FREM3: variants seen among roughly 807,000 people sequenced by gnomAD.
FREM3 encodes the protein FRAS1-related extracellular matrix protein 3.
In FREM3, 105 loss-of-function variants were observed where a neutral mutation model predicts 129.1. That is an observed-to-expected ratio of 0.81 (90% CI 0.69 to 0.96). The LOEUF (loss-of-function observed/expected upper bound fraction) is 0.96, where lower values mean the gene tolerates loss of function less well. Among genes scored for constraint, FREM3 ranks in the 40% least tolerant of loss-of-function variants. FREM3 has a pLI of 0.00. For missense variants in FREM3, 2,593 were observed against 2,666.3 expected (o/e 0.97, Z 0.61); for synonymous variants, 1,014 against 1,044.9 (o/e 0.97, Z 0.57).
In FREM3 at chr4:143,627,723, G is replaced by A. The variant is rs377599525; in HGVS notation, c.5313C>T (p.Asn1771=). 2 of 1,535,512 alleles carry A rather than the reference G, an allele frequency of 1.3e-6. No individual in the cohort carries two copies. The highest frequency in any genetic ancestry group is 1.2e-5 in the South Asian group (1 of 83,954). Residue 1771 remains asparagine, a synonymous_variant, in exon 3 of 8, where the codon AAC becomes AAT. Coordinates refer to ENST00000329798, the MANE Select transcript of FREM3 (RefSeq NM_001168235.2). ...NKLTNQPFHL[N]WAWICLEKEY... ...CTTTCTCCAAACAAATCCAAGCCCA[G>A]TTTAGATGGAAAGGCTGATTTGTTA... is the stretch of plus-strand genomic sequence containing the variant.
At chr4:143,695,435 A>C in intron 1 of FREM3, 56 bp downstream of exon 1, 9 of 1,383,412 alleles carry the variant, frequency 6.5e-6, no homozygotes, top group Non-Finnish European at 8.7e-6. Context: ...CAAAGCTGAG[A>C]GATCTGATCC....
intron 4 of FREM3, 61 bp from the exon 5 acceptor site, chr4:143,621,223 A>C (rs1560847589): frequency 1.4e-6 from 2 of 1,449,072 alleles, no homozygotes; most frequent in Non-Finnish European, 1.9e-6. Context: ...ATATTTAAAC[A>C]CACCTGAGCA....
intron 2 of FREM3, among the ~76,000 whole-genome samples, chr4:143,639,332 G>A (rs1007048659): frequency 6.6e-6 from 1 of 152,124 alleles, no homozygotes; most frequent in Non-Finnish European, 1.5e-5. Flanking sequence ...AGCATGTCGT[G>A]GGAACAGAAC....
intron 2 of FREM3, among the ~76,000 whole-genome samples, chr4:143,660,399 T>C (rs1412227882): frequency 6.6e-6 from 1 of 152,168 alleles, no homozygotes; most frequent in Non-Finnish European, 1.5e-5. Context: ...GTTGTAGATA[T>C]GCGGTGTTAT....
chr4:143,644,286 T>C (rs1464999585), intron 2 of FREM3, among the ~76,000 whole-genome samples: 2 of 151,956 alleles, frequency 1.3e-5, no homozygotes, highest in Non-Finnish European at 2.9e-5. Context: ...ATCTGCATCA[T>C]CTTCCTATTT....
chr4:143,628,496 T>A (rs1739084674), intron 2 of FREM3, among the ~76,000 whole-genome samples: 1 of 152,116 alleles, frequency 6.6e-6, no homozygotes, highest in Non-Finnish European at 1.5e-5. Context: ...GATGTTGAAG[T>A]AGAAGTCTTT....
chr4:143,642,483 G>A (rs1048650944), intron 2 of FREM3, among the ~76,000 whole-genome samples: 3 of 152,052 alleles, frequency 2.0e-5, no homozygotes, highest in African/African-American at 7.2e-5. Context: ...AAATAAATTC[G>A]TGCACCTGCA....
chr4:143,631,398 C>T (rs965585886), intron 2 of FREM3, among the ~76,000 whole-genome samples: 6 of 152,010 alleles, frequency 3.9e-5, no homozygotes, highest in Non-Finnish European at 5.9e-5. Context: ...GGCTGGAGTG[C>T]GGTAGCACCG....
At chr4:143,662,195 G>A (rs1431958233) in intron 2 of FREM3, among the ~76,000 whole-genome samples, 1 of 152,004 alleles carries the variant, frequency 6.6e-6, no homozygotes, top group Non-Finnish European at 1.5e-5. Context: ...TGTCAGTTTT[G>A]GATCTTTCCT....
Position 143,696,239 on chromosome 4 carries a change from A to T in FREM3, c.4437T>A (p.Ala1479=), listed in dbSNP as rs1206608529. ...SLGHLESSDY[A]GEPIASFTQL... ...GAGTGAAAGAGGCAATGGGTTCCCC[A>T]GCATAGTCAGAACTTTCTAAGTGAC... is the stretch of plus-strand genomic sequence containing the variant. Residue 1479 remains alanine (A), a synonymous_variant, in exon 1 of 8, where the codon GCT becomes GCA. Coordinates refer to ENST00000329798, the MANE Select transcript of FREM3 (RefSeq NM_001168235.2). The T allele has an allele frequency of 6.5e-7, 1 of 1,537,882 alleles. No homozygotes were observed. Among genetic ancestry groups the T allele is most frequent in the Non-Finnish European group, 8.7e-7 (1 of 1,147,062 alleles).
At chr4:143,604,082 G>A (rs1343084543) in intron 6 of FREM3, among the ~76,000 whole-genome samples, 4 of 152,026 alleles carry the variant, frequency 2.6e-5, no homozygotes, top group Non-Finnish European at 4.4e-5. Context: ...TGCTGTATGA[G>A]TACCCACATG....
At chr4:143,580,235 A>C (rs1738107423) in intron 7 of FREM3, among the ~76,000 whole-genome samples, 1 of 152,206 alleles carries the variant, frequency 6.6e-6, no homozygotes, top group Non-Finnish European at 1.5e-5. Flanking sequence ...GGACAGGTTG[A>C]GATTCATCAA....
chr4:143,655,791 G>A (rs1739589702), intron 2 of FREM3, among the ~76,000 whole-genome samples: 1 of 152,172 alleles, frequency 6.6e-6, no homozygotes, highest in Non-Finnish European at 1.5e-5. Flanking sequence ...CAAGGACCAG[G>A]GGCCCAGGGC....
chr4:143,631,061 C>T (rs1235764023), intron 2 of FREM3, among the ~76,000 whole-genome samples: 3 of 152,104 alleles, frequency 2.0e-5, no homozygotes, highest in Non-Finnish European at 4.4e-5. Context: ...TTTTCTCTTT[C>T]CCTTCTCTAT....
intron 2 of FREM3, among the ~76,000 whole-genome samples, chr4:143,673,041 C>A (rs1027073856): frequency 3.3e-5 from 5 of 152,158 alleles, no homozygotes; most frequent in Non-Finnish European, 5.9e-5. Flanking sequence ...GTTCGAACTT[C>A]CTCCTTTAGC....
chr4:143,618,156 A>C (rs1738882904), intron 5 of FREM3, among the ~76,000 whole-genome samples: 2 of 152,176 alleles, frequency 1.3e-5, no homozygotes, highest in Non-Finnish European at 2.9e-5. Flanking sequence ...AGCGAGGCTC[A>C]GTGTCTGGCA....
In FREM3 at chr4:143,611,290, T is replaced by C; in HGVS notation, c.6017A>G (p.Asp2006Gly). ...FPTTKVTILA[D>G]RYDEPVLHFG... ...ACAAATGGACTTACCATCATAACGA[T>C]CAGCCAGAATAGTCACCTTAGTGGT... Residue 2006 changes from aspartate (D) to glycine (G), a missense_variant, in exon 6 of 8, where the codon GAT becomes GGT. Transcript: ENST00000329798. 1.3e-6 allele frequency: 2 copies of C among 1,536,366 alleles called. No individual in the cohort carries two copies. Among genetic ancestry groups the C allele is most frequent in the Non-Finnish European group, 1.7e-6 (2 of 1,146,292 alleles).
chr4:143,615,142 T>C lies in FREM3; in HGVS notation c.5780-3615A>G, dbSNP rs570875326. On this transcript the variant is annotated intron_variant, in intron 5 of 7. Coordinates refer to ENST00000329798, the MANE Select transcript of FREM3 (RefSeq NM_001168235.2). ...ACACTAAAGGGTAATTAAATCATTA[T>C]ATTATGTTGTTTGGTTACTTTATGA... Among the ~76,000 whole-genome samples, 5 of 152,312 alleles carry C rather than the reference T, an allele frequency of 3.3e-5. No homozygotes were observed. In the South Asian group the frequency reaches 1.0e-3, roughly 32 times the overall value.
intron 2 of FREM3, among the ~76,000 whole-genome samples, chr4:143,628,125 A>AT (rs758472243): frequency 6.6e-6 from 1 of 151,470 alleles, no homozygotes. Context: ...TGCCTCCTCC[A>AT]TTTTTTCTCT....
Sources: gnomAD v4.1 joint callset for allele counts (sites outside exome capture counted in the v4.1 genomes callset) on GRCh38, gnomAD v4.1.1 for gene constraint, MANE v1.5 for transcripts, NCBI Gene and HGNC (gene_info 2026-07-23, HGNC 2026-07-21) for gene names.